Variants in ANKRD11 observed in about 807,000 individuals in gnomAD.
ANKRD11 encodes ankyrin repeat domain 11, also known as ankyrin repeat domain-containing protein 11.
In ANKRD11, 17 loss-of-function variants were observed where a neutral mutation model predicts 195.7. The ratio of observed to expected loss-of-function variants is 0.09; its 90% CI spans 0.06 to 0.13. ANKRD11 has a LOEUF of 0.13. Among genes scored for constraint, ANKRD11 ranks in the 10% least tolerant of loss-of-function variants. The pLI is 1.00. For synonymous variants in ANKRD11, 1,953 were observed against 1,528.1 expected (o/e 1.28, Z -6.49); for missense variants, 3,735 against 3,566.1 (o/e 1.05, Z -1.21).
intron 9 of ANKRD11, among the ~76,000 whole-genome samples, chr16:89,276,921 T>C (rs1463423787): frequency 6.6e-6 from 1 of 151,768 alleles, no homozygotes. Context: ...CCGGACGTGG[T>C]GGTGGGCGCC....
In ANKRD11 at chr16:89,286,352, G is replaced by C. The variant is rs2034644462; in HGVS notation, c.745-166C>G. ...GAGCGCCCAGGGACTGCCTGGCGAG[G>C]CTCTGGGTGTGGTGGGCGAGGCTGT... is the stretch of plus-strand genomic sequence containing the variant. On this transcript the variant is annotated intron_variant, in intron 7 of 12. Transcript: ENST00000301030. The C allele has an allele frequency of 3.0e-6, 3 of 1,010,132 alleles. No homozygotes were observed. In the South Asian group the frequency reaches 4.1e-5, roughly 14 times the overall value. 62.6% of individuals were successfully genotyped at this position (1,010,132 alleles called of 1,614,324 possible).
intron 2 of ANKRD11, among the ~76,000 whole-genome samples, chr16:89,320,859 G>A (rs1180724860): frequency 6.6e-6 from 1 of 152,260 alleles, no homozygotes; most frequent in South Asian, 2.1e-4. Context: ...AGCCCCTGCA[G>A]CCCAGAGGGG....
At chr16:89,301,324 TATC>T in intron 4 of ANKRD11, 1 of 385,770 alleles carries the variant, frequency 2.6e-6, no homozygotes, top group Non-Finnish European at 4.6e-6. Context: ...GACAAAGTAG[TATC>T]ATTTGAAGCA....
intron 4 of ANKRD11, among the ~76,000 whole-genome samples, chr16:89,303,060 C>T (rs1258907123): frequency 2.0e-5 from 3 of 152,190 alleles, no homozygotes; most frequent in Non-Finnish European, 4.4e-5. Flanking sequence ...GATGAAACGG[C>T]CACCACAAAG....
At position 89,381,354 on chromosome 16, in the gene ANKRD11, A is replaced by AGGTG. The variant is rs1555560068; in HGVS notation, c.-60+36929_-60+36930insCACC. On this transcript the variant is annotated intron_variant, in intron 2 of 12. Transcript: ENST00000301030. ...TGCAAAAAAAAAAAAAAAAAAAAAA[A>AGGTG]GGGGTGAGAAGGGCAAGCAAGAGTT... 7.4e-4 allele frequency among the ~76,000 whole-genome samples: 93 copies of AGGTG among 125,336 alleles called. No homozygotes were observed. In the South Asian group the frequency reaches 0.022, roughly 29 times the overall value. The allele number at this position is 125,336 out of a possible 152,430, so 82.2% of individuals were successfully genotyped here.
intron 1 of ANKRD11, among the ~76,000 whole-genome samples, chr16:89,470,425 C>A (rs1032618289): frequency 2.0e-5 from 3 of 152,134 alleles, no homozygotes; most frequent in African/African-American, 7.2e-5. Context: ...TCCAGGTCAA[C>A]GCAGGTCAGT....
At chr16:89,301,952 A>G (rs1437798739) in intron 4 of ANKRD11, among the ~76,000 whole-genome samples, 1 of 152,178 alleles carries the variant, frequency 6.6e-6, no homozygotes, top group Admixed American at 6.5e-5. Flanking sequence ...GACACAGCCA[A>G]GGCATCCGGC....
At chr16:89,487,476 TAAA>T (rs1262969834) in intron 1 of ANKRD11, among the ~76,000 whole-genome samples, 2 of 152,144 alleles carry the variant, frequency 1.3e-5, no homozygotes, top group Non-Finnish European at 2.9e-5. Flanking sequence ...CAAATCTACT[TAAA>T]AAGGCACAAA....
chr16:89,446,377 GCAGAT>G (rs1388355096), intron 1 of ANKRD11, among the ~76,000 whole-genome samples: 1 of 152,204 alleles, frequency 6.6e-6, no homozygotes, highest in Non-Finnish European at 1.5e-5. Flanking sequence ...GCCCAGACAG[GCAGAT>G]CGCTTGAGCC....
intron 2 of ANKRD11, among the ~76,000 whole-genome samples, chr16:89,376,470 T>C (rs1056140031): frequency 9.2e-5 from 14 of 152,222 alleles, no homozygotes; most frequent in African/African-American, 2.4e-4. Context: ...CAGACTCTTG[T>C]TCCGTCACCC....
chr16:89,447,634 T>C (rs556767559), intron 1 of ANKRD11, among the ~76,000 whole-genome samples: 5 of 152,140 alleles, frequency 3.3e-5, no homozygotes, highest in African/African-American at 9.6e-5. Context: ...TTCTCACTCC[T>C]CCTACACAGC....
chr16:89,362,148 G>GT (rs1207048156), intron 2 of ANKRD11, among the ~76,000 whole-genome samples: 4 of 152,256 alleles, frequency 2.6e-5, no homozygotes, highest in African/African-American at 7.2e-5. Context: ...CTTAACAAAT[G>GT]TGAGTGGATT....
chr16:89,465,963 G>A, intron 1 of ANKRD11, among the ~76,000 whole-genome samples: 1 of 152,120 alleles, frequency 6.6e-6, no homozygotes, highest in Admixed American at 6.6e-5. Flanking sequence ...GCCCGCCTCG[G>A]CCTCCCAAAG....
At chr16:89,286,590 A>T in intron 7 of ANKRD11, 3 of 1,073,290 alleles carry the variant, frequency 2.8e-6, no homozygotes, top group Non-Finnish European at 3.6e-6. Flanking sequence ...TGGAGGGCTC[A>T]GGCAAGAGGT....
chr16:89,381,453 A>C (rs1415628349), intron 2 of ANKRD11, among the ~76,000 whole-genome samples: 1 of 152,140 alleles, frequency 6.6e-6, no homozygotes, highest in Non-Finnish European at 1.5e-5. Context: ...TTGTATAAGG[A>C]GCAAGAGCTT....
In ANKRD11 at chr16:89,291,583, C is replaced by T. The variant is rs1014088027; in HGVS notation, c.227-400G>A. On this transcript the variant is annotated intron_variant, in intron 4 of 12. Transcript: ENST00000301030. The surrounding 1 kb of genome is among the most constrained non-coding windows in gnomAD (Gnocchi z 5.3). ...CAATACACGTGTCTGTAATTCAATT[C>T]CACCTTCCCCGTCCCTCCTCCAAAC... is the stretch of plus-strand genomic sequence containing the variant. 9 of 988,128 alleles carry T rather than the reference C, an allele frequency of 9.1e-6. No homozygotes were observed. Among genetic ancestry groups the T allele is most frequent in the South Asian group, 4.0e-5 (3 of 74,884 alleles). 61.2% of individuals were successfully genotyped at this position (988,128 alleles called of 1,614,324 possible).
intron 1 of ANKRD11, among the ~76,000 whole-genome samples, chr16:89,438,541 C>G (rs2043312309): frequency 6.6e-6 from 1 of 152,040 alleles, no homozygotes; most frequent in Non-Finnish European, 1.5e-5. Flanking sequence ...TAGGTTGGGC[C>G]AGGCTGGTCT....
intron 1 of ANKRD11, among the ~76,000 whole-genome samples, chr16:89,468,921 A>G (rs2056974789): frequency 2.0e-5 from 3 of 152,240 alleles, no homozygotes; most frequent in Admixed American, 2.0e-4. Flanking sequence ...CGTTCAAAAA[A>G]CAAAACCAAA....
chr16:89,348,899 G>A lies in ANKRD11; in HGVS notation c.-59-31821C>T, dbSNP rs1417915335. Among the ~76,000 whole-genome samples, 7 of 148,724 alleles carry A rather than the reference G, an allele frequency of 4.7e-5. No individual in the cohort carries two copies. The East Asian group carries it at 7.8e-4, about 17-fold the overall frequency. ...AAAAAAAAAAAAAAAACACCCAGCC[G>A]GGCATATCACCTGAAATCACGAGTT... On this transcript the variant is annotated intron_variant, in intron 2 of 12. Coordinates refer to ENST00000301030, the MANE Select transcript of ANKRD11 (RefSeq NM_013275.6).
Sources: gnomAD v4.1 joint callset for allele counts (sites outside exome capture counted in the v4.1 genomes callset) on GRCh38, gnomAD v4.1.1 for gene constraint, Gnocchi (gnomAD v3.1) non-coding constraint, MANE v1.5 for transcripts, NCBI Gene and HGNC (gene_info 2026-07-23, HGNC 2026-07-21) for gene names.